Variants in CNTN4 observed in about 807,000 individuals in gnomAD.
CNTN4 encodes contactin-4.
Under a neutral mutation model 122.5 loss-of-function variants are expected in CNTN4, and 77 were observed. That is an observed-to-expected ratio of 0.63 (90% CI 0.52 to 0.76). CNTN4 has a LOEUF of 0.76. CNTN4 is among the 30% of genes least tolerant of loss of function. CNTN4 has a pLI of 0.00. For missense variants in CNTN4, 1,256 were observed against 1,259.1 expected, an observed-to-expected ratio of 1.00 and a Z score of 0.04; for synonymous variants, 512 against 447.0, an observed-to-expected ratio of 1.15 and a Z score of -1.83.
chr3:2,846,798 A>G (rs1254562138), intron 7 of CNTN4, among the ~76,000 whole-genome samples: 1 of 152,140 alleles, frequency 6.6e-6, no homozygotes, highest in African/African-American at 2.4e-5. Flanking sequence ...GGAGTTCGAG[A>G]CCACCCTGAC....
At chr3:2,317,428 A>G (rs928355179) in intron 2 of CNTN4, among the ~76,000 whole-genome samples, 1 of 152,130 alleles carries the variant, frequency 6.6e-6, no homozygotes, top group African/African-American at 2.4e-5. Context: ...CTACTTTTCA[A>G]CTCCTGATCT....
chr3:2,545,736 C>A (rs2078217520), intron 3 of CNTN4, among the ~76,000 whole-genome samples: 1 of 151,520 alleles, frequency 6.6e-6, no homozygotes, highest in Non-Finnish European at 1.5e-5. Flanking sequence ...TTCTTCCATT[C>A]CTTTATCTTG....
intron 4 of CNTN4, among the ~76,000 whole-genome samples, chr3:2,660,834 G>A (rs1182378019): frequency 6.6e-6 from 1 of 152,148 alleles, no homozygotes; most frequent in African/African-American, 2.4e-5. Flanking sequence ...CGTCAGAGCA[G>A]GACAAAGAAT....
intron 4 of CNTN4, among the ~76,000 whole-genome samples, chr3:2,708,117 T>C (rs1433122499): frequency 1.3e-5 from 2 of 152,172 alleles, no homozygotes; most frequent in Non-Finnish European, 2.9e-5. Flanking sequence ...GCTGATCAAA[T>C]ACATTATCTT....
At chr3:2,888,199 G>A (rs2093999899) in intron 10 of CNTN4, among the ~76,000 whole-genome samples, 1 of 152,150 alleles carries the variant, frequency 6.6e-6, no homozygotes, top group South Asian at 2.1e-4. Context: ...CCAGTAGACA[G>A]AAGGGGACCC....
intron 3 of CNTN4, among the ~76,000 whole-genome samples, chr3:2,527,947 C>T (rs1157624050): frequency 6.6e-6 from 1 of 152,136 alleles, no homozygotes; most frequent in East Asian, 1.9e-4. Flanking sequence ...TATGTCCCTT[C>T]CCGATGTCTC....
chr3:2,369,085 G>A lies in CNTN4; in HGVS notation c.-89+29852G>A, dbSNP rs1310168190. ...ATTACAGGCACCTGCCACCATGCCCGGCTATTTTTTTCTATTTTTAGTAGA... is the reference window on the plus strand; with the variant it reads ...ATTACAGGCACCTGCCACCATGCCCAGCTATTTTTTTCTATTTTTAGTAGA... On this transcript the variant is annotated intron_variant, in intron 3 of 24. Coordinates refer to ENST00000418658, the MANE Select transcript of CNTN4 (RefSeq NM_175607.3). 3.9e-5 allele frequency among the ~76,000 whole-genome samples: 6 copies of A among 151,978 alleles called. 1 individual carries two copies. Among genetic ancestry groups the A allele is most frequent in the African/African-American group, 1.5e-4 (6 of 41,352 alleles).
At chr3:2,948,537 C>T (rs1049738342) in intron 13 of CNTN4, among the ~76,000 whole-genome samples, 7 of 152,126 alleles carry the variant, frequency 4.6e-5, no homozygotes, top group Admixed American at 3.9e-4. Context: ...CATAGGTCTA[C>T]AATCCTGTAT....
At chr3:2,229,399 A>G (rs2039402320) in intron 2 of CNTN4, among the ~76,000 whole-genome samples, 1 of 152,188 alleles carries the variant, frequency 6.6e-6, no homozygotes, top group Non-Finnish European at 1.5e-5. Context: ...TAAAAGATTG[A>G]TTAAATGAAA....
chr3:2,395,526 G>A (rs1014102898), intron 3 of CNTN4, among the ~76,000 whole-genome samples: 5 of 152,138 alleles, frequency 3.3e-5, no homozygotes, highest in African/African-American at 4.8e-5. Context: ...TGAGGTTTGT[G>A]TTATGATCGA....
intron 2 of CNTN4, among the ~76,000 whole-genome samples, chr3:2,244,874 A>G (rs1033063011): frequency 3.3e-5 from 5 of 152,096 alleles, no homozygotes; most frequent in African/African-American, 1.2e-4. Flanking sequence ...GGTCTATGAA[A>G]ATACTTTTAG....
intron 2 of CNTN4, among the ~76,000 whole-genome samples, chr3:2,105,318 G>A (rs2032343783): frequency 6.6e-6 from 1 of 152,204 alleles, no homozygotes; most frequent in Non-Finnish European, 1.5e-5. Flanking sequence ...CTTGCATCAT[G>A]TGAGCCCGTT....
intron 3 of CNTN4, among the ~76,000 whole-genome samples, chr3:2,384,761 C>CGTGCGT (rs2046175990): frequency 6.8e-6 from 1 of 147,902 alleles, no homozygotes; most frequent in Admixed American, 6.8e-5. Flanking sequence ...TCAATGTGTG[C>CGTGCGT]GTGTGTGTGT....
rs554375330 is a variant in CNTN4, at chr3:2,751,289, C to T, written c.358+5592C>T. ...CACCAGTGCACTCCAGCCTGGGCGACAGAGAGAGACTCAGCGAGACTCCGT... is the reference window on the plus strand; with the variant it reads ...CACCAGTGCACTCCAGCCTGGGCGATAGAGAGAGACTCAGCGAGACTCCGT... On this transcript the variant is annotated intron_variant, in intron 6 of 24. Transcript: ENST00000418658. 5.9e-4 allele frequency among the ~76,000 whole-genome samples: 90 copies of T among 152,092 alleles called. 2 individuals carry two copies. The highest frequency in any genetic ancestry group is 2.2e-3 in the Admixed American group (34 of 15,274).
chr3:2,454,055 A>T (rs986769396), intron 3 of CNTN4, among the ~76,000 whole-genome samples: 1 of 145,160 alleles, frequency 6.9e-6, no homozygotes, highest in Non-Finnish European at 1.5e-5. Context: ...AATCAGCCCC[A>T]TATTATAAGC....
At chr3:3,037,031 C>G (rs553710072) in intron 17 of CNTN4, 148 bp from the exon 18 acceptor site, 3 of 902,480 alleles carry the variant, frequency 3.3e-6, no homozygotes, top group Non-Finnish European at 5.5e-6. Flanking sequence ...ACTGAAACAA[C>G]TGTTGATGCA....
chr3:2,109,359 T>A (rs2032757680), intron 2 of CNTN4, among the ~76,000 whole-genome samples: 1 of 152,198 alleles, frequency 6.6e-6, no homozygotes, highest in South Asian at 2.1e-4. Context: ...ACTCCATTAT[T>A]AATCATTATT....
At position 2,977,463 on chromosome 3, in the gene CNTN4, C is replaced by A. The variant is rs374454713; in HGVS notation, c.1359-10882C>A. Among the ~76,000 whole-genome samples the A allele has an allele frequency of 1.7e-3, 255 of 152,108 alleles. No homozygotes were observed. The Middle Eastern group carries it at 0.017, about 10-fold the overall frequency. On this transcript the variant is annotated intron_variant, in intron 13 of 24. Coordinates refer to ENST00000418658, the MANE Select transcript of CNTN4 (RefSeq NM_175607.3). ...TGGACTTTTATTCTTTGATACATTACCCATTACCACCCCCAAACTGTCTTT... is the reference window on the plus strand; with the variant it reads ...TGGACTTTTATTCTTTGATACATTAACCATTACCACCCCCAAACTGTCTTT...
At chr3:2,819,765 G>T (rs1340075476) in intron 7 of CNTN4, among the ~76,000 whole-genome samples, 184 bp downstream of exon 7, 1 of 152,146 alleles carries the variant, frequency 6.6e-6, no homozygotes, top group Non-Finnish European at 1.5e-5. Context: ...ACCAGATTGT[G>T]CAAATTTTCC....
Sources: gnomAD v4.1 joint callset for allele counts (sites outside exome capture counted in the v4.1 genomes callset) on GRCh38, gnomAD v4.1.1 for gene constraint, MANE v1.5 for transcripts, NCBI Gene and HGNC (gene_info 2026-07-23, HGNC 2026-07-21) for gene names.